The following FYCO1 variants were observed in gnomAD, a reference collection of about 807,000 sequenced individuals.
The protein encoded by FYCO1 is FYVE and coiled-coil domain-containing protein 1.
A neutral mutation model predicts 165.1 loss-of-function variants in FYCO1; 122 were observed. That is an observed-to-expected ratio of 0.74 (90% CI 0.64 to 0.86). The LOEUF (loss-of-function observed/expected upper bound fraction) is 0.86, where lower values mean the gene tolerates loss of function less well. FYCO1 is among the 40% of genes least tolerant of loss of function. The pLI is 0.00. For missense variants in FYCO1, 1,702 were observed against 1,810.3 expected (o/e 0.94, Z 1.09); for synonymous variants, 648 against 742.5 (o/e 0.87, Z 2.07).
intron 5 of FYCO1, among the ~76,000 whole-genome samples, 172 bp from the exon 6 acceptor site, chr3:45,973,403 C>T (rs1415323462): frequency 1.3e-5 from 2 of 152,204 alleles, no homozygotes; most frequent in Admixed American, 6.5e-5. Flanking sequence ...CTCAAATAAG[C>T]TTGCTCTTCT....
At chr3:45,968,764 A>G (rs1307130997) in intron 7 of FYCO1, 61 bp from the exon 8 acceptor site, 50 of 1,603,096 alleles carry the variant, frequency 3.1e-5, no homozygotes, top group Non-Finnish European at 4.1e-5. Context: ...CTATTTAGAA[A>G]AGCTTTAGAG....
At chr3:45,986,105 AGAG>A (rs1168702485) in intron 1 of FYCO1, among the ~76,000 whole-genome samples, 1 of 152,256 alleles carries the variant, frequency 6.6e-6, no homozygotes, top group African/African-American at 2.4e-5. Flanking sequence ...AATGATGCTC[AGAG>A]GAGTCATGTA....
At chr3:45,940,346 A>G (rs1358438635) in intron 14 of FYCO1, among the ~76,000 whole-genome samples, 1 of 152,206 alleles carries the variant, frequency 6.6e-6, no homozygotes, top group Non-Finnish European at 1.5e-5. Flanking sequence ...GCTTCCTGAC[A>G]AGATCTCAGG....
chr3:45,973,114 C>A lies in FYCO1; in HGVS notation c.513G>T (p.Leu171Phe), dbSNP rs755080350. The change falls in exon 6 of 18, where the codon TTG becomes TTT. Residue 171 changes from leucine (L) to phenylalanine (F), a missense_variant. Transcript: ENST00000296137. ...QFDLASRGFD[L>F]DAAWPTFARR... ...TGGCAAATGTTGGCCAGGCAGCATC[C>A]AAGTCAAAGCCCCTCGACGCCAGGT... 6 of 1,614,242 alleles carry A rather than the reference C, an allele frequency of 3.7e-6. No homozygotes were observed. Among genetic ancestry groups the A allele is most frequent in the Non-Finnish European group, 5.1e-6 (6 of 1,180,044 alleles).
Position 45,973,070 on chromosome 3 carries a change from A to C in FYCO1, c.539+18T>G. The stretch of plus-strand genomic sequence containing the variant: ...GTCTCTTTTCCTGTCTTTTAAACCA[A>C]GCAATCCTTCAAAGTACCTGGCAAA... On this transcript the variant is annotated intron_variant, in intron 6 of 17. Transcript: ENST00000296137. 6.2e-7 allele frequency: 1 copy of C among 1,614,080 alleles called. No individual in the cohort carries two copies. The highest frequency in any genetic ancestry group is 8.5e-7 in the Non-Finnish European group (1 of 1,179,966).
chr3:45,978,858 GTTTT>G (rs35365813), intron 4 of FYCO1, among the ~76,000 whole-genome samples: 1 of 139,686 alleles, frequency 7.2e-6, no homozygotes. Flanking sequence ...TTGTTCTGGA[GTTTT>G]TTTTTTTTTT....
intron 14 of FYCO1, among the ~76,000 whole-genome samples, chr3:45,942,410 C>T (rs1559446668): frequency 6.6e-6 from 1 of 152,324 alleles, no homozygotes; most frequent in East Asian, 1.9e-4. Context: ...TCCCTGCTCC[C>T]AATGCTTGAC....
At chr3:45,937,789 C>G (rs920832348) in intron 14 of FYCO1, among the ~76,000 whole-genome samples, 2 of 152,222 alleles carry the variant, frequency 1.3e-5, no homozygotes, top group African/African-American at 4.8e-5. Flanking sequence ...CCAACCCCCT[C>G]TCTGTCTTCC....
intron 14 of FYCO1, chr3:45,941,272 T>C (rs1306805207): frequency 2.0e-5 from 3 of 152,238 alleles, no homozygotes; most frequent in African/African-American, 7.2e-5. Flanking sequence ...ATCCTGGAAC[T>C]GATAACAGCT....
intron 14 of FYCO1, chr3:45,940,869 A>G (rs1704186946): frequency 6.6e-6 from 1 of 152,176 alleles, no homozygotes; most frequent in African/African-American, 2.4e-5. Context: ...TTGGTGCCAC[A>G]TGACTCAGAC....
At chr3:45,971,904 C>A (rs944263632) in intron 6 of FYCO1, among the ~76,000 whole-genome samples, 4 of 152,072 alleles carry the variant, frequency 2.6e-5, no homozygotes, top group Non-Finnish European at 5.9e-5. Context: ...ATTTTAATAA[C>A]TGTACTGAGT....
rs944211903 is a variant in FYCO1 at position 45,964,824 on chromosome 3, C to T, written c.3150+209G>A. ...CCCATAGAGATGGCCAAAGAGGACACTTATTTCCTTTCTGCATTTGGCAGC... is the reference window on the plus strand; with the variant it reads ...CCCATAGAGATGGCCAAAGAGGACATTTATTTCCTTTCTGCATTTGGCAGC... On this transcript the variant is annotated intron_variant, in intron 9 of 17. Coordinates refer to ENST00000296137, the MANE Select transcript of FYCO1 (RefSeq NM_024513.4). This position sits in a 1 kb window ranked among gnomAD's most constrained non-coding sequence, Gnocchi z 4.1. Among the ~76,000 whole-genome samples the T allele has an allele frequency of 1.3e-5, 2 of 152,236 alleles. No homozygotes were observed. The highest frequency in any genetic ancestry group is 2.4e-5 in the African/African-American group (1 of 41,466).
In FYCO1 at chr3:45,973,129, C is replaced by T. The variant is rs149291592; in HGVS notation, c.498G>A (p.Ser166=). Residue 166 remains serine (S), a synonymous_variant, in exon 6 of 18, where the codon TCG becomes TCA. Coordinates refer to ENST00000296137, the MANE Select transcript of FYCO1 (RefSeq NM_024513.4). ...AGGCAGCATCCAAGTCAAAGCCCCTCGACGCCAGGTCAAACTGAACCTCAG... is the reference window on the plus strand; with the variant it reads ...AGGCAGCATCCAAGTCAAAGCCCCTTGACGCCAGGTCAAACTGAACCTCAG... The part of the protein sequence containing the change: ...ELTEVQFDLA[S]RGFDLDAAWP... 47 of 1,614,100 alleles carry T rather than the reference C, an allele frequency of 2.9e-5. No homozygotes were observed. The African/African-American group carries it at 3.2e-4, about 11-fold the overall frequency.
At chr3:45,931,524 C>T (rs1480551221) in intron 15 of FYCO1, among the ~76,000 whole-genome samples, 3 of 152,220 alleles carry the variant, frequency 2.0e-5, no homozygotes, top group Non-Finnish European at 2.9e-5. Context: ...GTAAAAAATA[C>T]AGATGACACC....
rs770783468 is a variant in FYCO1 at position 45,964,372 on chromosome 3, T to C, written c.3233A>G (p.Asp1078Gly). ...AECQAAMLRK[D>G]KEGAALREDL... ...TTCACGCAGGGCAGCCCCCTCCTTG[T>C]CCTTCCTCAGCATGGCCGCCTGGCA... Residue 1078 changes from aspartate (D) to glycine (G), a missense_variant, in exon 10 of 18, where the codon GAC becomes GGC. By Grantham distance (94) the Asp-to-Gly change is moderately conservative (BLOSUM62 -1). Transcript: ENST00000296137. This position sits in a 1 kb window ranked among gnomAD's most constrained non-coding sequence, Gnocchi z 4.1. 3.7e-6 allele frequency: 6 copies of C among 1,614,002 alleles called. No homozygotes were observed. The South Asian group carries it at 6.6e-5, about 18-fold the overall frequency.
At chr3:45,968,841 A>G in intron 7 of FYCO1, 138 bp from the exon 8 acceptor site, 4 of 1,015,394 alleles carry the variant, frequency 3.9e-6, no homozygotes, top group Non-Finnish European at 5.9e-6. Flanking sequence ...GAACTATTCA[A>G]AAGACTAGAA....
chr3:45,954,048 C>T (rs984925088), intron 14 of FYCO1, among the ~76,000 whole-genome samples: 4 of 152,188 alleles, frequency 2.6e-5, no homozygotes, highest in African/African-American at 9.6e-5. Flanking sequence ...CAAGACAGCC[C>T]CTACTCACTG....
intron 14 of FYCO1, chr3:45,946,106 A>C (rs537785543): frequency 1.1e-4 from 22 of 201,082 alleles, no homozygotes; most frequent in Non-Finnish European, 1.9e-4. Context: ...ACCATCCATC[A>C]TCAGTGTTGC....
At chr3:45,969,820 G>A in intron 6 of FYCO1, 55 bp from the exon 7 acceptor site, 1 of 1,479,908 alleles carries the variant, frequency 6.8e-7, no homozygotes, top group Non-Finnish European at 9.4e-7. Context: ...CCTAACACAT[G>A]GAGGCCTTGC....
Sources: gnomAD v4.1 joint callset for allele counts (sites outside exome capture counted in the v4.1 genomes callset) on GRCh38, gnomAD v4.1.1 for gene constraint, Gnocchi (gnomAD v3.1) non-coding constraint, MANE v1.5 for transcripts, NCBI Gene and HGNC (gene_info 2026-07-23, HGNC 2026-07-21) for gene names.